NPR2: variants seen among roughly 807,000 people sequenced by gnomAD.
The protein encoded by NPR2 is atrial natriuretic peptide receptor 2.
A neutral mutation model predicts 120.7 loss-of-function variants in NPR2; 49 were observed. The observed-to-expected ratio is 0.41, with a 90% CI of 0.32 to 0.52. The LOEUF (loss-of-function observed/expected upper bound fraction) is 0.52, where lower values mean the gene tolerates loss of function less well. NPR2 is among the 20% of genes least tolerant of loss of function. The probability of loss-of-function intolerance (pLI) is 0.36; values close to 1 mark genes in which losing one functional copy is unlikely to be tolerated. For synonymous variants in NPR2, 484 were observed against 519.8 expected, an observed-to-expected ratio of 0.93 and a Z score of 0.94; for missense variants, 931 against 1,362.9, an observed-to-expected ratio of 0.68 and a Z score of 4.99.
intron 17 of NPR2, 35 bp downstream of exon 17, chr9:35,807,181 T>TGGGGGGGGGGGGGG: frequency 3.2e-6 from 1 of 311,864 alleles, no homozygotes. Flanking sequence ...CGGGTGGGGT[T>TGGGGGGGGGGGGGG]GGGTGGGTAG....
chr9:35,801,041 C>T (rs759778824), intron 6 of NPR2, 29 bp from the exon 7 acceptor site: 1 of 1,599,546 alleles, frequency 6.3e-7, no homozygotes, highest in Non-Finnish European at 8.6e-7. Flanking sequence ...CGCACACAGT[C>T]TTCCTCAGGG....
chr9:35,802,735 A>T lies in NPR2; in HGVS notation c.1819A>T (p.Ile607Phe). ...TCTATTCCATGTCACTTACCAGGAT[A>T]TTCTAGAAAATGACAGCATCAACTT... The part of the protein sequence containing the change: ...EYCPRGSLQD[I>F]LENDSINLDW... The change falls in exon 12 of 22, where the codon ATT (isoleucine) becomes TTT (phenylalanine). Residue 607 changes from isoleucine to phenylalanine, a missense_variant. Ile to Phe is a conservative substitution (Grantham distance 21). Coordinates refer to ENST00000342694, the MANE Select transcript of NPR2 (RefSeq NM_003995.4). This position sits in a 1 kb window ranked among gnomAD's most constrained non-coding sequence, Gnocchi z 4.2. 1.2e-6 allele frequency: 2 copies of T among 1,609,686 alleles called. No homozygotes were observed. The highest frequency in any genetic ancestry group is 1.7e-6 in the Non-Finnish European group (2 of 1,175,920).
intron 17 of NPR2, 42 bp downstream of exon 17, chr9:35,807,188 G>GGGGGGGGGGGGGGGGGGC (rs1828443502): frequency 2.2e-6 from 1 of 464,586 alleles, no homozygotes; most frequent in Non-Finnish European, 4.3e-6. Context: ...GGTTGGGTGG[G>GGGGGGGGGGGGGGGGGGC]TAGGGACCTG....
Position 35,792,302 on chromosome 9 carries a change from C to T in NPR2, c.-107C>T. The T allele has an allele frequency of 1.6e-6, 2 of 1,251,074 alleles. No individual in the cohort carries two copies. The highest frequency in any genetic ancestry group is 1.5e-5 in the South Asian group (1 of 68,580). 77.5% of individuals were successfully genotyped at this position (1,251,074 alleles called of 1,614,324 possible). ...CCAGCCTACCTAGCCTACTCCTCCT[C>T]TTCCTGGCCCTCTTCCCCAGGCTCC... is the stretch of plus-strand genomic sequence containing the variant. On this transcript the variant is annotated 5_prime_UTR_variant, in exon 1 of 22. Transcript: ENST00000342694.
intron 7 of NPR2, 152 bp from the exon 8 acceptor site, chr9:35,801,491 A>G (rs1322114583): frequency 2.4e-6 from 2 of 835,094 alleles, no homozygotes; most frequent in Non-Finnish European, 4.1e-6. Context: ...TGTGCCAGAT[A>G]TGCCGAGAAT....
intron 2 of NPR2, among the ~76,000 whole-genome samples, chr9:35,795,323 A>G (rs1827914450): frequency 6.6e-6 from 1 of 152,066 alleles, no homozygotes; most frequent in Non-Finnish European, 1.5e-5. Flanking sequence ...AATCATACCC[A>G]TGAATCTTCC....
In NPR2 at chr9:35,791,817, A is replaced by G. The variant is rs896756935; in HGVS notation, c.-592A>G. Among the ~76,000 whole-genome samples the G allele has an allele frequency of 6.6e-6, 1 of 151,878 alleles. No homozygotes were observed. Among genetic ancestry groups the G allele is most frequent in the Non-Finnish European group, 1.5e-5 (1 of 67,866 alleles). On this transcript the variant is annotated 5_prime_UTR_variant, in exon 1 of 22. Transcript: ENST00000342694. ...GCCCGGGCCCGTTAGTCCAAGCAGG[A>G]GCTCCGGGAGAATCCTTCACAGGGA...
chr9:35,805,777 G>A lies in NPR2; in HGVS notation c.2048-53G>A, dbSNP rs772435718. On this transcript the variant is annotated intron_variant, in intron 13 of 21. Transcript: ENST00000342694. The surrounding 1 kb of genome is among the most constrained non-coding windows in gnomAD (Gnocchi z 4.9). ...GTAATATAGGGATGAGCCCAGGTGGGCTTGGGGGTGCCCCATTTCGGGGGA... is the reference window on the plus strand; with the variant it reads ...GTAATATAGGGATGAGCCCAGGTGGACTTGGGGGTGCCCCATTTCGGGGGA... 3.0e-5 allele frequency: 48 copies of A among 1,609,552 alleles called. No homozygotes were observed. Among genetic ancestry groups the A allele is most frequent in the Middle Eastern group, 3.5e-4 (2 of 5,638 alleles).
intron 18 of NPR2, 71 bp downstream of exon 18, chr9:35,807,469 A>T (rs1361340780): frequency 3.1e-5 from 38 of 1,211,574 alleles, no homozygotes; most frequent in Non-Finnish European, 4.7e-5. Context: ...AGTCTCCCTG[A>T]ACCCCACACA....
Position 35,805,998 on chromosome 9 carries a change from C to T in NPR2, c.2203+13C>T. ...CTCAGCCCCAAAGGTAAGAGTCAATCCACTACCCACAGCCTCTTCTTCCTG... is the reference window on the plus strand; with the variant it reads ...CTCAGCCCCAAAGGTAAGAGTCAATTCACTACCCACAGCCTCTTCTTCCTG... On this transcript the variant is annotated intron_variant, in intron 14 of 21. Coordinates refer to ENST00000342694, the MANE Select transcript of NPR2 (RefSeq NM_003995.4). The surrounding 1 kb of genome is among the most constrained non-coding windows in gnomAD (Gnocchi z 4.9). The T allele has an allele frequency of 6.2e-7, 1 of 1,614,212 alleles. No homozygotes were observed. Among genetic ancestry groups the T allele is most frequent in the Non-Finnish European group, 8.5e-7 (1 of 1,180,024 alleles).
chr9:35,799,823 A>C, intron 3 of NPR2, 92 bp downstream of exon 3: 1 of 1,414,756 alleles, frequency 7.1e-7, no homozygotes, highest in South Asian at 1.2e-5. Flanking sequence ...CTGTGGAGCA[A>C]GCCCAACTTT....
Position 35,792,705 on chromosome 9 carries a change from C to T in NPR2, c.297C>T (p.Pro99=). ...LYHDPDLLLG[P]GCVYPAASVA... ...ATGACCCCGACCTGCTGTTAGGTCC[C>T]GGTTGCGTGTACCCTGCTGCCTCTG... The change falls in exon 1 of 22, where the codon CCC becomes CCT. Residue 99 remains proline (P), a synonymous_variant. Coordinates refer to ENST00000342694, the MANE Select transcript of NPR2 (RefSeq NM_003995.4). 1 of 1,614,150 alleles carries T rather than the reference C, an allele frequency of 6.2e-7. No homozygotes were observed. Among genetic ancestry groups the T allele is most frequent in the Non-Finnish European group, 8.5e-7 (1 of 1,180,032 alleles).
chr9:35,793,603 C>A (rs927811438), intron 1 of NPR2, among the ~76,000 whole-genome samples: 1 of 152,012 alleles, frequency 6.6e-6, no homozygotes, highest in Non-Finnish European at 1.5e-5. Flanking sequence ...GGGAGCAGGC[C>A]GGTTGGGTGG....
intron 1 of NPR2, among the ~76,000 whole-genome samples, chr9:35,793,402 T>C (rs1036186318): frequency 5.3e-5 from 8 of 152,318 alleles, no homozygotes; most frequent in Non-Finnish European, 7.3e-5. Flanking sequence ...ATAGCCACTC[T>C]GAAATGTGCC....
At chr9:35,803,868 A>T (rs1828265203) in intron 12 of NPR2, among the ~76,000 whole-genome samples, 1 of 152,238 alleles carries the variant, frequency 6.6e-6, no homozygotes. Context: ...TAGTAAAGCC[A>T]ATGTCATGCT....
rs542067234 is a variant in NPR2 at position 35,808,111 on chromosome 9, G to A, written c.2713-398G>A. On this transcript the variant is annotated intron_variant, in intron 18 of 21. Transcript: ENST00000342694. The surrounding 1 kb of genome is among the most constrained non-coding windows in gnomAD (Gnocchi z 4.0). ...GCACAATTACCAAAATCAAATGCCT[G>A]CTTTCCTCCTCTCTGACAGTTTGGG... 1.6e-6 allele frequency: 2 copies of A among 1,241,340 alleles called. No homozygotes were observed. The highest frequency in any genetic ancestry group is 2.4e-5 in the South Asian group (2 of 82,296). 76.9% of individuals were successfully genotyped at this position (1,241,340 alleles called of 1,614,324 possible).
chr9:35,805,944 G>A lies in NPR2; in HGVS notation c.2162G>A (p.Ser721Asn). The A allele has an allele frequency of 6.2e-7, 1 of 1,614,228 alleles. No homozygotes were observed. The highest frequency in any genetic ancestry group is 8.5e-7 in the Non-Finnish European group (1 of 1,180,034). The change falls in exon 14 of 22, where the codon AGT becomes AAT. Residue 721 changes from serine to asparagine, a missense_variant. Ser to Asn is a conservative substitution (Grantham distance 46, BLOSUM62 1). This residue lies in a region of NPR2 where 681 missense variants were observed against 974.3 expected (regional missense o/e 0.70). Transcript: ENST00000342694. The surrounding 1 kb of genome is among the most constrained non-coding windows in gnomAD (Gnocchi z 4.9). Reference protein sequence around the residue: ...GIILQEIALRSGPFYLEGLDL... With the variant: ...GIILQEIALRNGPFYLEGLDL... ...ATCCTGCAGGAGATAGCACTTCGCAGTGGTCCTTTCTACTTGGAGGGCCTG... is the reference window on the plus strand; with the variant it reads ...ATCCTGCAGGAGATAGCACTTCGCAATGGTCCTTTCTACTTGGAGGGCCTG...
At chr9:35,804,260 G>T (rs948419914) in intron 12 of NPR2, among the ~76,000 whole-genome samples, 2 of 148,334 alleles carry the variant, frequency 1.3e-5, no homozygotes, top group Non-Finnish European at 3.0e-5. Flanking sequence ...CTGAGACAGG[G>T]TCTTATTCTG....
Position 35,799,715 on chromosome 9 carries a change from A to T in NPR2, c.971A>T (p.Glu324Val). ...LIRAREDFGV[E>V]LGPSLMNLIA... ...AGAGCCCGGGAAGACTTTGGTGTGG[A>T]GCTGGGCCCTTCCCTGGTAAGTAGA... The change falls in exon 3 of 22, where the codon GAG (glutamate) becomes GTG (valine). Residue 324 changes from glutamate to valine, a missense_variant. Around this residue, in one of 3 missense-constraint regions of NPR2, gnomAD observed 681 missense variants for 974.3 expected, o/e 0.70. Coordinates refer to ENST00000342694, the MANE Select transcript of NPR2 (RefSeq NM_003995.4). 1 of 1,613,524 alleles carries T rather than the reference A, an allele frequency of 6.2e-7. No homozygotes were observed. The highest frequency in any genetic ancestry group is 8.5e-7 in the Non-Finnish European group (1 of 1,179,670).
Sources: gnomAD v4.1 joint callset for allele counts (sites outside exome capture counted in the v4.1 genomes callset) on GRCh38, gnomAD v4.1.1 for gene constraint, gnomAD v4.1.1 regional missense constraint, Gnocchi (gnomAD v3.1) non-coding constraint, MANE v1.5 for transcripts, NCBI Gene and HGNC (gene_info 2026-07-23, HGNC 2026-07-21) for gene names.